The following TRPC5 variants were observed in gnomAD, a reference collection of about 807,000 sequenced individuals.
TRPC5 encodes short transient receptor potential channel 5.
TRPC5 carries 9 observed loss-of-function variants against 56.5 expected under a neutral mutation model. That is an observed-to-expected ratio of 0.16 (90% CI 0.10 to 0.28). The LOEUF (loss-of-function observed/expected upper bound fraction) is 0.28, where lower values mean the gene tolerates loss of function less well. Among genes scored for constraint, TRPC5 ranks in the 10% least tolerant of loss-of-function variants. The pLI, the probability that TRPC5 is intolerant of heterozygous loss-of-function variation, is 1.00. For synonymous variants in TRPC5, 282 were observed against 278.5 expected (o/e 1.01, Z -0.13); for missense variants, 469 against 748.9 (o/e 0.63, Z 4.36).
intron 7 of TRPC5, among the ~76,000 whole-genome samples, chrX:111,801,675 C>T (rs898934796): frequency 8.9e-6 from 1 of 111,943 alleles, no homozygotes; most frequent in Non-Finnish European, 1.9e-5. Context: ...TGCTCATTGA[C>T]CATTTGTACA....
rs755668496 is a variant in TRPC5, at chrX:111,779,091, T to C, written c.2143-17A>G. ...GATAACTTCCTGGAATTACAAAACA[T>C]GAAGAAGCATTCAGTCTCCTTCTCA... On this transcript the variant is annotated splice_polypyrimidine_tract_variant and intron_variant, in intron 9 of 10. Coordinates refer to ENST00000262839, the MANE Select transcript of TRPC5 (RefSeq NM_012471.3). 1.8e-6 allele frequency: 2 copies of C among 1,126,945 alleles called. No homozygotes were observed. Among genetic ancestry groups the C allele is most frequent in the Non-Finnish European group, 2.4e-6 (2 of 824,709 alleles). The allele number at this position is 1,126,945 out of a possible 1,213,427, so 92.9% of individuals were successfully genotyped here.
At position 111,913,959 on chromosome X, in the gene TRPC5, C is replaced by CA. The variant is rs55948877; in HGVS notation, c.379-1148dup. ...TGGGCAACAGAGCAAGACTCAGTCT[C>CA]AAAAAAAAAAAAAAAAAAAAGTCTC... On this transcript the variant is annotated intron_variant, in intron 2 of 10. Coordinates refer to ENST00000262839, the MANE Select transcript of TRPC5 (RefSeq NM_012471.3). Among the ~76,000 whole-genome samples, 551 of 73,382 alleles carry CA rather than the reference C, an allele frequency of 7.5e-3. 7 individuals carry two copies. The highest frequency in any genetic ancestry group is 0.028 in the African/African-American group (524 of 18,926). The allele number at this position is 73,382 out of a possible 115,157, so 63.7% of individuals were successfully genotyped here.
At chrX:111,964,441 A>G (rs1927495339) in intron 1 of TRPC5, among the ~76,000 whole-genome samples, 2 of 112,126 alleles carry the variant, frequency 1.8e-5, no homozygotes, top group Non-Finnish European at 3.8e-5. Flanking sequence ...CTAGCAAGGC[A>G]GGCCAACATT....
intron 1 of TRPC5, among the ~76,000 whole-genome samples, chrX:111,981,224 G>C (rs1210683084): frequency 9.1e-6 from 1 of 109,791 alleles, no homozygotes; most frequent in African/African-American, 3.3e-5. Context: ...AAACCAGCAG[G>C]CTTGAGACCC....
intron 1 of TRPC5, among the ~76,000 whole-genome samples, chrX:112,038,159 G>T (rs1276029352): frequency 9.0e-6 from 1 of 111,645 alleles, no homozygotes; most frequent in African/African-American, 3.3e-5. Context: ...TGAAATTTCA[G>T]CAAGAGATGG....
chrX:111,989,094 T>G, intron 1 of TRPC5, among the ~76,000 whole-genome samples: 1 of 111,905 alleles, frequency 8.9e-6, no homozygotes, highest in Middle Eastern at 4.6e-3. Context: ...ACGATGTACC[T>G]GGATGCATAT....
At chrX:111,885,714 C>T (rs1282347277) in intron 3 of TRPC5, among the ~76,000 whole-genome samples, 1 of 111,008 alleles carries the variant, frequency 9.0e-6, no homozygotes, top group African/African-American at 3.3e-5. Flanking sequence ...GAATAAGTAC[C>T]TTCTGCAATG....
intron 1 of TRPC5, among the ~76,000 whole-genome samples, chrX:112,013,550 A>C (rs756874336): frequency 1.1e-4 from 12 of 111,881 alleles, no homozygotes; most frequent in Non-Finnish European, 2.3e-4. Context: ...ACTGAGGCTA[A>C]AATGGGAAGT....
intron 7 of TRPC5, among the ~76,000 whole-genome samples, chrX:111,824,343 A>T (rs1284673056): frequency 9.0e-6 from 1 of 110,914 alleles, no homozygotes; most frequent in Admixed American, 9.7e-5. Flanking sequence ...TATAAAGCTG[A>T]TGTGAGAATT....
At chrX:111,784,176 G>T (rs1945941836) in intron 7 of TRPC5, among the ~76,000 whole-genome samples, 1 of 111,677 alleles carries the variant, frequency 9.0e-6, no homozygotes, top group African/African-American at 3.3e-5. Context: ...ATACTTAACA[G>T]ATAAAAACTA....
intron 7 of TRPC5, among the ~76,000 whole-genome samples, chrX:111,817,613 C>T (rs867000353): frequency 1.8e-5 from 2 of 110,957 alleles, no homozygotes; most frequent in African/African-American, 3.3e-5. Context: ...CATGAGCCAC[C>T]GTGCCCGGCC....
chrX:112,026,339 CTT>C (rs1929411328), intron 1 of TRPC5, among the ~76,000 whole-genome samples: 1 of 112,378 alleles, frequency 8.9e-6, no homozygotes, highest in Non-Finnish European at 1.9e-5. Flanking sequence ...TACAGAAAAA[CTT>C]TGGACAGATT....
intron 1 of TRPC5, among the ~76,000 whole-genome samples, chrX:112,049,363 G>C (rs1044346906): frequency 5.5e-5 from 6 of 108,233 alleles, no homozygotes; most frequent in African/African-American, 2.0e-4. Flanking sequence ...CAACTGCATG[G>C]GGCACCAAGG....
chrX:111,770,566 G>T lies in TRPC5; in HGVS notation c.*5747C>A, dbSNP rs1310646848. 9.0e-6 allele frequency among the ~76,000 whole-genome samples: 1 copy of T among 111,625 alleles called. No individual in the cohort carries two copies. The highest frequency in any genetic ancestry group is 1.9e-5 in the Non-Finnish European group (1 of 53,117). On this transcript the variant is annotated 3_prime_UTR_variant, in exon 11 of 11. Coordinates refer to ENST00000262839, the MANE Select transcript of TRPC5 (RefSeq NM_012471.3). ...TGGCCATCCAAAAAACTGACAATTT[G>T]GTGGTTTAGCCCCGTGTTTTAAAGT... is the stretch of plus-strand genomic sequence containing the variant.
chrX:111,837,786 G>C (rs5985652), intron 6 of TRPC5, among the ~76,000 whole-genome samples: 16,721 of 108,934 alleles, frequency 0.15, 2,698 homozygotes, highest in African/African-American at 0.49. Flanking sequence ...TAAAATCTTC[G>C]CTCAGCCAGG....
chrX:111,946,743 G>A (rs1429520900), intron 2 of TRPC5, among the ~76,000 whole-genome samples: 5 of 112,433 alleles, frequency 4.4e-5, no homozygotes, highest in Non-Finnish European at 1.9e-5. Flanking sequence ...GTACTGATGA[G>A]GGAAACATGG....
chrX:111,917,281 C>G (rs756121297), intron 2 of TRPC5, among the ~76,000 whole-genome samples: 1 of 112,491 alleles, frequency 8.9e-6, no homozygotes, highest in East Asian at 2.8e-4. Context: ...AAGCCAGCTC[C>G]AAGCACACCA....
chrX:111,840,512 A>G (rs945418250), intron 6 of TRPC5, among the ~76,000 whole-genome samples: 16 of 112,553 alleles, frequency 1.4e-4, no homozygotes, highest in African/African-American at 4.8e-4. Context: ...TTTAAAAAAT[A>G]TTTTTGATCC....
chrX:111,934,924 A>G (rs1273124879), intron 2 of TRPC5, among the ~76,000 whole-genome samples: 2 of 112,496 alleles, frequency 1.8e-5, no homozygotes, highest in Non-Finnish European at 3.8e-5. Flanking sequence ...GAATGCTGCA[A>G]TAAATATGGA....
Sources: gnomAD v4.1 joint callset for allele counts (sites outside exome capture counted in the v4.1 genomes callset) on GRCh38, gnomAD v4.1.1 for gene constraint, MANE v1.5 for transcripts, NCBI Gene and HGNC (gene_info 2026-07-23, HGNC 2026-07-21) for gene names.